TAFA5: variants seen among roughly 807,000 people sequenced by gnomAD.
TAFA5 encodes chemokine-like protein TAFA-5.
TAFA5 carries 6 observed loss-of-function variants against 15.3 expected under a neutral mutation model. That is an observed-to-expected ratio of 0.39 (90% CI 0.21 to 0.77). The LOEUF is 0.77. Among genes scored for constraint, TAFA5 ranks in the 30% least tolerant of loss-of-function variants. The pLI, the probability that TAFA5 is intolerant of heterozygous loss-of-function variation, is 0.41. For missense variants in TAFA5, 161 were observed against 193.1 expected (o/e 0.83, Z 0.98); for synonymous variants, 103 against 80.7 (o/e 1.28, Z -1.48).
chr22:48,710,100 G>GGCACCATCGGGGTCTTCAGATCT (rs1437940136), intron 3 of TAFA5, among the ~76,000 whole-genome samples: 91 of 152,200 alleles, frequency 6.0e-4, no homozygotes, highest in African/African-American at 2.1e-3. Context: ...TCACCCACCA[G>GGCACCATCGGGGTCTTCAGATCT]GCACCATCGG....
At chr22:48,669,953 T>G (rs5771927) in intron 2 of TAFA5, among the ~76,000 whole-genome samples, 1 of 148,954 alleles carries the variant, frequency 6.7e-6, no homozygotes. Flanking sequence ...AATTGAAAAT[T>G]AAACAAACTG....
chr22:48,561,361 C>A (rs1451246023), intron 1 of TAFA5, among the ~76,000 whole-genome samples: 1 of 152,172 alleles, frequency 6.6e-6, no homozygotes, highest in Non-Finnish European at 1.5e-5. Flanking sequence ...GTGAATTCCT[C>A]AGACTGCTCC....
chr22:48,591,786 G>C (rs2147157431), intron 1 of TAFA5, among the ~76,000 whole-genome samples: 1 of 152,302 alleles, frequency 6.6e-6, no homozygotes. Flanking sequence ...TGGCGTGGCA[G>C]AGGGAGGAGG....
chr22:48,731,184 G>A (rs141837576), intron 3 of TAFA5, among the ~76,000 whole-genome samples: 105 of 152,310 alleles, frequency 6.9e-4, no homozygotes, highest in Middle Eastern at 3.4e-3. Context: ...CAACTCTCTC[G>A]AATTCTGTGA....
At chr22:48,728,160 A>G (rs1226757621) in intron 3 of TAFA5, among the ~76,000 whole-genome samples, 1 of 152,188 alleles carries the variant, frequency 6.6e-6, no homozygotes, top group Non-Finnish European at 1.5e-5. Flanking sequence ...TGAAATCTCT[A>G]CAAAAAGAGC....
intron 1 of TAFA5, among the ~76,000 whole-genome samples, chr22:48,526,492 C>T (rs888467623): frequency 2.0e-5 from 3 of 152,230 alleles, no homozygotes; most frequent in African/African-American, 4.8e-5. Context: ...AAGGGAGAGA[C>T]GGGCTGGCTT....
At chr22:48,616,604 G>A (rs1402233488) in intron 1 of TAFA5, among the ~76,000 whole-genome samples, 6 of 152,080 alleles carry the variant, frequency 3.9e-5, no homozygotes, top group South Asian at 4.1e-4. Flanking sequence ...TTTTGCCTGC[G>A]CATGGAAACC....
chr22:48,509,966 G>A (rs893107852), intron 1 of TAFA5, among the ~76,000 whole-genome samples: 8 of 83,996 alleles, frequency 9.5e-5, no homozygotes, highest in Non-Finnish European at 1.0e-4. Context: ...AAAAAAAAAA[G>A]AAAAAGAAAA....
chr22:48,608,929 G>T (rs527484830), intron 1 of TAFA5, among the ~76,000 whole-genome samples: 3 of 152,240 alleles, frequency 2.0e-5, no homozygotes, highest in Non-Finnish European at 2.9e-5. Context: ...TTTGCTGTCC[G>T]CAGTATCTGA....
At chr22:48,649,747 GAC>G (rs1926987326) in intron 2 of TAFA5, among the ~76,000 whole-genome samples, 1 of 152,146 alleles carries the variant, frequency 6.6e-6, no homozygotes, top group Admixed American at 6.5e-5. Context: ...CCTTCTCGGG[GAC>G]ACTGATGCGT....
At chr22:48,688,525 C>T (rs887738545) in intron 2 of TAFA5, among the ~76,000 whole-genome samples, 14 of 152,206 alleles carry the variant, frequency 9.2e-5, no homozygotes, top group African/African-American at 3.1e-4. Context: ...TGTCTTGGCT[C>T]CTGCCCCCTG....
intron 1 of TAFA5, chr22:48,544,973 C>T (rs1016485289): frequency 9.2e-6 from 4 of 434,290 alleles, no homozygotes; most frequent in African/African-American, 8.1e-5. Flanking sequence ...TTTCAGTGGG[C>T]AGCAGCCGCC....
intron 1 of TAFA5, among the ~76,000 whole-genome samples, chr22:48,625,591 C>T (rs915029072): frequency 6.6e-5 from 10 of 152,212 alleles, no homozygotes; most frequent in Admixed American, 2.6e-4. Context: ...AGAATCACAC[C>T]GGGGAGCTCC....
rs557065325 is a variant in TAFA5 at position 48,598,330 on chromosome 22, A to G, written c.113-48267A>G. Among the ~76,000 whole-genome samples, 33 of 152,148 alleles carry G rather than the reference A, an allele frequency of 2.2e-4. No individual in the cohort carries two copies. The highest frequency in any genetic ancestry group is 8.0e-4 in the African/African-American group (33 of 41,508). ...GAAAAATCCAGAATCATTTGACCAAACCTGTGGGCACTGTGGCTCCGTCAA... is the reference window on the plus strand; with the variant it reads ...GAAAAATCCAGAATCATTTGACCAAGCCTGTGGGCACTGTGGCTCCGTCAA... On this transcript the variant is annotated intron_variant, in intron 1 of 3. Transcript: ENST00000402357. This position sits in a 1 kb window ranked among gnomAD's most constrained non-coding sequence, Gnocchi z 4.0.
intron 2 of TAFA5, among the ~76,000 whole-genome samples, chr22:48,701,569 A>G (rs1601683661): frequency 6.6e-6 from 1 of 152,186 alleles, no homozygotes; most frequent in South Asian, 2.1e-4. Flanking sequence ...TGTCACCCAA[A>G]CAGCCACACT....
chr22:48,684,723 G>A (rs1928300401), intron 2 of TAFA5, among the ~76,000 whole-genome samples: 1 of 152,152 alleles, frequency 6.6e-6, no homozygotes, highest in Non-Finnish European at 1.5e-5. Context: ...GGCTGTGTCT[G>A]GGTAAAATCC....
At chr22:48,547,036 A>T (rs1027482649) in intron 1 of TAFA5, 2 of 153,068 alleles carry the variant, frequency 1.3e-5, no homozygotes, top group African/African-American at 4.8e-5. Context: ...ATAAAAGAAG[A>T]TTAAAAATGG....
chr22:48,509,857 A>T (rs1438506886), intron 1 of TAFA5, among the ~76,000 whole-genome samples: 2 of 151,816 alleles, frequency 1.3e-5, no homozygotes, highest in East Asian at 3.9e-4. Flanking sequence ...AGGCTGAGGC[A>T]GGAGAATGGC....
chr22:48,620,698 C>T, intron 1 of TAFA5, among the ~76,000 whole-genome samples: 1 of 96,090 alleles, frequency 1.0e-5, no homozygotes, highest in African/African-American at 4.1e-5. Context: ...TCTACTCACC[C>T]CCATACCCAT....
Sources: gnomAD v4.1 joint callset for allele counts (sites outside exome capture counted in the v4.1 genomes callset) on GRCh38, gnomAD v4.1.1 for gene constraint, Gnocchi (gnomAD v3.1) non-coding constraint, MANE v1.5 for transcripts, NCBI Gene and HGNC (gene_info 2026-07-23, HGNC 2026-07-21) for gene names.